Variants in ABTB3 observed in about 807,000 individuals in gnomAD.
ABTB3 encodes the protein ankyrin repeat- and BTB/POZ domain-containing protein 3.
chr12:107,559,834 A>G, the ABTB3 span, among the ~76,000 whole-genome samples: 1 of 147,424 alleles, frequency 6.8e-6, no homozygotes, highest in African/African-American at 2.5e-5. Context: ...TACCTACAAT[A>G]AAAGGTGCTA....
chr12:107,512,680 A>G, the ABTB3 span, among the ~76,000 whole-genome samples: 2 of 152,194 alleles, frequency 1.3e-5, no homozygotes, highest in African/African-American at 4.8e-5. Flanking sequence ...CTGGAATCAG[A>G]AGACTTGGTA....
chr12:107,580,689 G>A, the ABTB3 span: 2 of 718,930 alleles, frequency 2.8e-6, no homozygotes, highest in South Asian at 2.1e-5. Flanking sequence ...GGCTGCAGAT[G>A]GGAAGGGAGT....
At chr12:107,410,266 G>C in the ABTB3 span, among the ~76,000 whole-genome samples, 1 of 151,778 alleles carries the variant, frequency 6.6e-6, no homozygotes, top group African/African-American at 2.4e-5. Flanking sequence ...CTAAGGAACG[G>C]GGGCAGAGTG....
chr12:107,570,164 G>A, the ABTB3 span, among the ~76,000 whole-genome samples: 1 of 152,204 alleles, frequency 6.6e-6, no homozygotes, highest in African/African-American at 2.4e-5. Context: ...CACGTATAGA[G>A]GGAAAACCAG....
chr12:107,349,097 A>G, the ABTB3 span, among the ~76,000 whole-genome samples: 16 of 152,028 alleles, frequency 1.1e-4, no homozygotes, highest in Non-Finnish European at 2.4e-4. Context: ...CCCTCTACTC[A>G]CTCATAGCCA....
chr12:107,647,025 C>G, the ABTB3 span, among the ~76,000 whole-genome samples: 5 of 152,176 alleles, frequency 3.3e-5, no homozygotes, highest in South Asian at 1.0e-3. Flanking sequence ...GTTGAGTGGT[C>G]CGAGCATAAA....
chr12:107,410,363 G>C, the ABTB3 span, among the ~76,000 whole-genome samples: 8 of 152,238 alleles, frequency 5.3e-5, no homozygotes, highest in East Asian at 7.7e-4. Flanking sequence ...TGGTAGGAGG[G>C]AGCAGAGTTG....
the ABTB3 span, among the ~76,000 whole-genome samples, chr12:107,466,644 G>T: frequency 8.9e-4 from 136 of 152,164 alleles, 2 homozygotes; most frequent in East Asian, 1.2e-3. Context: ...CTTCGGCAGG[G>T]TGGGGAATTT....
At chr12:107,520,644 G>C in the ABTB3 span, 1 of 1,613,940 alleles carries the variant, frequency 6.2e-7, no homozygotes, top group African/African-American at 1.3e-5. Context: ...TGAGTAAGTA[G>C]ATGTTGGTTC....
the ABTB3 span, among the ~76,000 whole-genome samples, chr12:107,414,972 C>T: frequency 6.6e-6 from 1 of 152,080 alleles, no homozygotes; most frequent in Admixed American, 6.5e-5. Context: ...CCTTGGCTTC[C>T]CAAAGTGCTA....
the ABTB3 span, among the ~76,000 whole-genome samples, chr12:107,392,104 C>T: frequency 6.6e-6 from 1 of 152,214 alleles, no homozygotes; most frequent in Non-Finnish European, 1.5e-5. Context: ...TGAATGGTTG[C>T]TGTCCAGCCC....
At chr12:107,428,980 C>G in the ABTB3 span, among the ~76,000 whole-genome samples, 169 of 152,300 alleles carry the variant, frequency 1.1e-3, 2 homozygotes, top group Non-Finnish European at 1.9e-3. Flanking sequence ...ATTGCTTCAC[C>G]AAGCTGCCAG....
the ABTB3 span, among the ~76,000 whole-genome samples, chr12:107,380,266 G>A: frequency 2.6e-5 from 4 of 152,144 alleles, no homozygotes; most frequent in African/African-American, 9.7e-5. Context: ...ATGCTTTATG[G>A]TTTTCATTAC....
chr12:107,510,604 A>G, the ABTB3 span, among the ~76,000 whole-genome samples: 1 of 152,222 alleles, frequency 6.6e-6, no homozygotes, highest in African/African-American at 2.4e-5. Context: ...GTTATTTTTT[A>G]GTAAAGCATT....
At chr12:107,588,926 C>T in the ABTB3 span, among the ~76,000 whole-genome samples, 1 of 152,206 alleles carries the variant, frequency 6.6e-6, no homozygotes, top group Non-Finnish European at 1.5e-5. Flanking sequence ...ACTCCAGCAT[C>T]TGCTCAGAAA....
the ABTB3 span, among the ~76,000 whole-genome samples, chr12:107,379,891 T>A: frequency 6.6e-6 from 1 of 152,236 alleles, no homozygotes; most frequent in African/African-American, 2.4e-5. Context: ...TTGATTTATC[T>A]GGGCTCAAGT....
the ABTB3 span, among the ~76,000 whole-genome samples, chr12:107,646,883 G>A: frequency 3.9e-5 from 6 of 152,106 alleles, no homozygotes; most frequent in African/African-American, 9.7e-5. Flanking sequence ...GCAGATGACC[G>A]CTGACTAGAT....
the ABTB3 span, chr12:107,319,834 C>T: frequency 6.4e-6 from 8 of 1,247,414 alleles, no homozygotes; most frequent in Non-Finnish European, 8.2e-6. Flanking sequence ...CGGCGAGCGG[C>T]GGCGCCTGCA....
At chr12:107,585,772 G>T in the ABTB3 span, among the ~76,000 whole-genome samples, 1 of 152,170 alleles carries the variant, frequency 6.6e-6, no homozygotes, top group East Asian at 1.9e-4. Flanking sequence ...ACAGCTGGAA[G>T]TTCAGGTTCA....
Sources: gnomAD v4.1 joint callset for allele counts (sites outside exome capture counted in the v4.1 genomes callset) on GRCh38, gnomAD v4.1.1 for gene constraint, MANE v1.5 for transcripts, NCBI Gene and HGNC (gene_info 2026-07-23, HGNC 2026-07-21) for gene names.